Variants in SND1 observed in about 807,000 individuals in gnomAD.
SND1 encodes the protein staphylococcal nuclease and tudor domain containing 1, also known as staphylococcal nuclease domain-containing protein 1.
SND1 carries 38 observed loss-of-function variants against 121.7 expected under a neutral mutation model. That is an observed-to-expected ratio of 0.31 (90% confidence interval 0.24 to 0.41). The LOEUF (loss-of-function observed/expected upper bound fraction) is 0.41, where lower values mean the gene tolerates loss of function less well. Among genes scored for constraint, SND1 ranks in the 10% least tolerant of loss-of-function variants. The probability of loss-of-function intolerance (pLI) is 1.00; values close to 1 mark genes in which losing one functional copy is unlikely to be tolerated. For synonymous variants in SND1, 401 were observed against 447.4 expected (o/e 0.90, Z 1.31); for missense variants, 868 against 1,184.6 (o/e 0.73, Z 3.92).
At chr7:128,018,809 A>G (rs1803284527) in intron 16 of SND1, among the ~76,000 whole-genome samples, 1 of 152,198 alleles carries the variant, frequency 6.6e-6, no homozygotes, top group African/African-American at 2.4e-5. Context: ...CTTTCATCAC[A>G]GATTTCAGTG....
intron 12 of SND1, among the ~76,000 whole-genome samples, chr7:127,852,047 C>G (rs948079005): frequency 6.6e-6 from 1 of 151,978 alleles, no homozygotes; most frequent in African/African-American, 2.4e-5. Flanking sequence ...GTTATCTGAG[C>G]TATTCGGAAG....
intron 10 of SND1, among the ~76,000 whole-genome samples, chr7:127,785,189 G>C (rs1797789855): frequency 1.3e-5 from 2 of 152,178 alleles, no homozygotes; most frequent in Admixed American, 1.3e-4. Context: ...GATTATAGGA[G>C]TAAGCCACCA....
intron 10 of SND1, among the ~76,000 whole-genome samples, chr7:127,772,544 A>G (rs536740623): frequency 2.6e-4 from 40 of 152,006 alleles, no homozygotes; most frequent in Non-Finnish European, 4.7e-4. Flanking sequence ...CTCCTAAAAC[A>G]TAACCATATT....
In SND1 at chr7:127,996,000, A is replaced by T. The variant is rs1802646432; in HGVS notation, c.1779+4944A>T. Among the ~76,000 whole-genome samples the T allele has an allele frequency of 2.6e-5, 4 of 152,146 alleles. No homozygotes were observed. In the South Asian group the frequency reaches 6.2e-4, roughly 24 times the overall value. Reference sequence around the variant, plus strand: ...CCTCATGCTGGACAGCCCCAGCTGAAAACTCAGGCTGCTGCCTTGACCTAT... The same window carrying T: ...CCTCATGCTGGACAGCCCCAGCTGATAACTCAGGCTGCTGCCTTGACCTAT... On this transcript the variant is annotated intron_variant, in intron 16 of 23. Coordinates refer to ENST00000354725, the MANE Select transcript of SND1 (RefSeq NM_014390.4).
chr7:127,655,593 C>T (rs1225619689), intron 1 of SND1, among the ~76,000 whole-genome samples: 1 of 152,170 alleles, frequency 6.6e-6, no homozygotes, highest in Non-Finnish European at 1.5e-5. Flanking sequence ...CAGATAAATA[C>T]ATGTCTTCTA....
intron 13 of SND1, among the ~76,000 whole-genome samples, chr7:127,891,061 CA>C (rs1427381363): frequency 6.6e-6 from 1 of 152,132 alleles, no homozygotes; most frequent in Admixed American, 6.6e-5. Flanking sequence ...GCAGTCTTGT[CA>C]GTGAGCCCCA....
chr7:127,816,750 G>A (rs562574321), intron 11 of SND1, among the ~76,000 whole-genome samples: 1 of 148,244 alleles, frequency 6.7e-6, no homozygotes, highest in South Asian at 2.1e-4. Context: ...TGCAACGTCT[G>A]CCTCCTGGGT....
At chr7:128,044,611 C>T (rs1050915962) in intron 16 of SND1, among the ~76,000 whole-genome samples, 13 of 108,642 alleles carry the variant, frequency 1.2e-4, no homozygotes, top group Admixed American at 3.2e-4. Context: ...TCATCTTCTT[C>T]CCCCCTCCCA....
chr7:127,713,589 A>G (rs566721026), intron 9 of SND1, among the ~76,000 whole-genome samples: 202 of 152,320 alleles, frequency 1.3e-3, no homozygotes, highest in African/African-American at 4.6e-3. Context: ...TTAATTGTAC[A>G]GGGCCCCGCT....
intron 15 of SND1, among the ~76,000 whole-genome samples, chr7:127,988,248 C>T (rs977094566): frequency 6.6e-6 from 1 of 152,202 alleles, no homozygotes; most frequent in Non-Finnish European, 1.5e-5. Context: ...GTCCTGCTCT[C>T]CTGGCCCTGA....
chr7:127,890,535 C>G (rs151187235), intron 13 of SND1, among the ~76,000 whole-genome samples: 1 of 151,934 alleles, frequency 6.6e-6, no homozygotes, highest in Non-Finnish European at 1.5e-5. Flanking sequence ...CAGGAGCCCT[C>G]AGCAATACAG....
At chr7:127,701,346 G>A in intron 5 of SND1, 23 bp downstream of exon 5, 1 of 1,607,198 alleles carries the variant, frequency 6.2e-7, no homozygotes, top group Non-Finnish European at 8.5e-7. Flanking sequence ...GGAACAGACA[G>A]ATACGACTCA....
intron 11 of SND1, among the ~76,000 whole-genome samples, chr7:127,812,172 G>A (rs979169467): frequency 6.6e-6 from 1 of 152,184 alleles, no homozygotes; most frequent in Non-Finnish European, 1.5e-5. Flanking sequence ...TCTCTGTTGT[G>A]TATACTGAGT....
In SND1 at chr7:128,089,101, C is replaced by G. The variant is rs559926130; in HGVS notation, c.2419-388C>G. ...GCCAAGTCTCACTCTGTCACCCAGG[C>G]AGGAGTGCAGTGGCGCAATATTGGC... On this transcript the variant is annotated intron_variant, in intron 21 of 23. Coordinates refer to ENST00000354725, the MANE Select transcript of SND1 (RefSeq NM_014390.4). Among the ~76,000 whole-genome samples, 4 of 152,262 alleles carry G rather than the reference C, an allele frequency of 2.6e-5. No individual in the cohort carries two copies. In the South Asian group the frequency reaches 8.3e-4, roughly 32 times the overall value.
intron 15 of SND1, among the ~76,000 whole-genome samples, chr7:127,932,358 G>A (rs1054344660): frequency 1.3e-5 from 2 of 152,196 alleles, no homozygotes; most frequent in African/African-American, 4.8e-5. Flanking sequence ...AGAGCCTGGG[G>A]ATAAAACTGA....
intron 10 of SND1, among the ~76,000 whole-genome samples, chr7:127,789,299 C>A (rs946133412): frequency 6.6e-6 from 1 of 152,204 alleles, no homozygotes; most frequent in African/African-American, 2.4e-5. Flanking sequence ...AGTATATTAA[C>A]CCAGTTAAGA....
chr7:127,669,842 T>G (rs982504696), intron 1 of SND1, among the ~76,000 whole-genome samples: 2 of 152,132 alleles, frequency 1.3e-5, no homozygotes, highest in Admixed American at 6.6e-5. Context: ...GAGGAAGTGT[T>G]AGGATTTGAT....
At chr7:127,659,503 G>A (rs1795272027) in intron 1 of SND1, among the ~76,000 whole-genome samples, 1 of 152,166 alleles carries the variant, frequency 6.6e-6, no homozygotes, top group African/African-American at 2.4e-5. Context: ...TGCTTATCAT[G>A]TGTGACTTAA....
chr7:127,985,286 A>G (rs1425307638), intron 15 of SND1, among the ~76,000 whole-genome samples: 1 of 152,110 alleles, frequency 6.6e-6, no homozygotes, highest in Non-Finnish European at 1.5e-5. Context: ...CTAGCCATAC[A>G]TGCACTTCTA....
Sources: gnomAD v4.1 joint callset for allele counts (sites outside exome capture counted in the v4.1 genomes callset) on GRCh38, gnomAD v4.1.1 for gene constraint, MANE v1.5 for transcripts, NCBI Gene and HGNC (gene_info 2026-07-23, HGNC 2026-07-21) for gene names.